Variants in SELENBP1 observed in about 807,000 individuals in gnomAD.
The protein encoded by SELENBP1 is selenium binding protein 1.
A neutral mutation model predicts 61.0 loss-of-function variants in SELENBP1; 71 were observed. That is an observed-to-expected ratio of 1.16 (90% CI 0.96 to 1.42). The LOEUF is 1.42. Among genes scored for constraint, SELENBP1 ranks in the 40% most tolerant of loss-of-function variants. The pLI, the probability that SELENBP1 is intolerant of heterozygous loss-of-function variation, is 0.00. For synonymous variants in SELENBP1, 270 were observed against 238.9 expected (o/e 1.13, Z -1.20); for missense variants, 561 against 605.0 (o/e 0.93, Z 0.76).
In SELENBP1 at chr1:151,367,141, A is replaced by G. The variant is rs554148430; in HGVS notation, c.482-237T>C. The stretch of plus-strand genomic sequence containing the variant: ...GCGGATCACTTGAGGTCAGGAGTTC[A>G]GGATCAGCCTGGCCAACATGGTGAA... On this transcript the variant is annotated intron_variant, in intron 5 of 11. Coordinates refer to ENST00000368868, the MANE Select transcript of SELENBP1 (RefSeq NM_003944.4). 5.9e-6 allele frequency: 6 copies of G among 1,023,056 alleles called. No individual in the cohort carries two copies. In the Admixed American group the frequency reaches 1.6e-4, roughly 28 times the overall value. The allele number at this position is 1,023,056 out of a possible 1,614,324, so 63.4% of individuals were successfully genotyped here.
At position 151,364,575 on chromosome 1, in the gene SELENBP1, C is replaced by A; in HGVS notation, c.1387G>T (p.Gly463Trp). The change falls in exon 12 of 12, where the codon GGG becomes TGG. Residue 463 changes from glycine (G) to tryptophan (W), a missense_variant. Gly to Trp is a radical substitution (Grantham distance 184). Coordinates refer to ENST00000368868, the MANE Select transcript of SELENBP1 (RefSeq NM_003944.4). ...CAGATGTCAGAGCTACAATCGCCCCCAGGGTAGCGGAGCTCATGGGCAAGG... is the reference window on the plus strand; with the variant it reads ...CAGATGTCAGAGCTACAATCGCCCCAAGGGTAGCGGAGCTCATGGGCAAGG... ...PALAHELRYP[G>W]GDCSSDIWI The A allele has an allele frequency of 1.2e-6, 2 of 1,614,152 alleles. No homozygotes were observed. The highest frequency in any genetic ancestry group is 3.3e-5 in the Admixed American group (2 of 60,006).
At position 151,364,635 on chromosome 1, in the gene SELENBP1, G is replaced by A; in HGVS notation, c.1327C>T (p.Leu443=). The A allele has an allele frequency of 2.5e-6, 4 of 1,613,466 alleles. No homozygotes were observed. In the South Asian group the frequency reaches 3.3e-5, roughly 13 times the overall value. Residue 443 remains leucine, a synonymous_variant, in exon 12 of 12, where the codon CTG becomes TTG. Transcript: ENST00000368868. ...AGGGGCTCCTTCCCGAAGTCCACCA[G>A]GAAGTTGGGGTTCAACTTCAGCCCT... ...KGGLKLNPNF[L]VDFGKEPLGP... is the part of the protein sequence containing the mutation.
intron 2 of SELENBP1, 47 bp from the exon 3 acceptor site, chr1:151,369,601 AG>A: frequency 6.4e-7 from 1 of 1,562,050 alleles, no homozygotes; most frequent in Non-Finnish European, 8.7e-7. Flanking sequence ...TGGGAAGGAA[AG>A]GTAGGGGAAG....
chr1:151,367,148 G>T, intron 5 of SELENBP1: 2 of 923,296 alleles, frequency 2.2e-6, no homozygotes, highest in Non-Finnish European at 2.9e-6. Flanking sequence ...TTCAGGATCA[G>T]CCTGGCCAAC....
At chr1:151,364,905 G>T in intron 11 of SELENBP1, 21 bp downstream of exon 11, 1 of 1,607,350 alleles carries the variant, frequency 6.2e-7, no homozygotes. Flanking sequence ...GGGGAGGAGA[G>T]CCCATGTGTC....
At chr1:151,372,400 G>A (rs1165075669) in intron 1 of SELENBP1, among the ~76,000 whole-genome samples, 6 of 152,184 alleles carry the variant, frequency 3.9e-5, no homozygotes, top group African/African-American at 1.4e-4. Context: ...GCCAAGTCAG[G>A]GCCCAGGATC....
Position 151,365,472 on chromosome 1 carries a change from C to T in SELENBP1, c.1044+91G>A, listed in dbSNP as rs1490898600. Reference sequence around the variant, plus strand: ...TCTGCTTTTCCTGCACCTCCCTCAACATCCTGCAGCTGCTTCAGATCATCC... The same window carrying T: ...TCTGCTTTTCCTGCACCTCCCTCAATATCCTGCAGCTGCTTCAGATCATCC... On this transcript the variant is annotated intron_variant, in intron 9 of 11. Transcript: ENST00000368868. 3.1e-6 allele frequency: 5 copies of T among 1,589,934 alleles called. No individual in the cohort carries two copies. In the South Asian group the frequency reaches 4.6e-5, roughly 14 times the overall value.
At position 151,365,183 on chromosome 1, in the gene SELENBP1, T is replaced by C; in HGVS notation, c.1137+6A>G. On this transcript the variant is annotated splice_donor_region_variant and intron_variant, in intron 10 of 11. Coordinates refer to ENST00000368868, the MANE Select transcript of SELENBP1 (RefSeq NM_003944.4). ...GGGTCCAGCAAGTAGGGGGAGAGGC[T>C]CTTACCTTGACCACTAGGGGCTCTG... 2 of 1,613,132 alleles carry C rather than the reference T, an allele frequency of 1.2e-6. No homozygotes were observed. Among genetic ancestry groups the C allele is most frequent in the Non-Finnish European group, 1.7e-6 (2 of 1,179,340 alleles).
chr1:151,370,252 C>T (rs1045029363), intron 1 of SELENBP1: 13 of 238,344 alleles, frequency 5.5e-5, no homozygotes, highest in Non-Finnish European at 7.9e-5. Context: ...TTTGTCTGGT[C>T]GAAGCCCAGG....
At chr1:151,371,082 C>T (rs1652115458) in intron 1 of SELENBP1, among the ~76,000 whole-genome samples, 1 of 152,130 alleles carries the variant, frequency 6.6e-6, no homozygotes, top group African/African-American at 2.4e-5. Flanking sequence ...ATTCCAAAGG[C>T]CTTTCATAAA....
chr1:151,365,887 G>A (rs1388618546), intron 7 of SELENBP1, 41 bp from the exon 8 acceptor site: 2 of 1,607,028 alleles, frequency 1.2e-6, no homozygotes, highest in East Asian at 2.2e-5. Flanking sequence ...TGGCAGAGAG[G>A]TCAGCCTATC....
rs1571284919 is a variant in SELENBP1 at position 151,369,109 on chromosome 1, A to G, written c.255T>C (p.Gly85=). ...SGWNTCSSCF[G]DSTKSRTKLV... is the part of the protein sequence containing the mutation. The stretch of plus-strand genomic sequence containing the variant: ...GCTTGGTGCGCGACTTGGTGCTATC[A>G]CCGAAGCAGCTGCTGCAGGTGTTCC... Residue 85 remains glycine, a synonymous_variant, in exon 4 of 12, where the codon GGT becomes GGC. Coordinates refer to ENST00000368868, the MANE Select transcript of SELENBP1 (RefSeq NM_003944.4). The G allele has an allele frequency of 5.6e-6, 9 of 1,614,002 alleles. No individual in the cohort carries two copies. Among genetic ancestry groups the G allele is most frequent in the Non-Finnish European group, 6.8e-6 (8 of 1,179,984 alleles).
Position 151,368,323 on chromosome 1 carries a change from G to A in SELENBP1, c.361-4C>T. 6.2e-7 allele frequency: 1 copy of A among 1,614,040 alleles called. No homozygotes were observed. The highest frequency in any genetic ancestry group is 8.5e-7 in the Non-Finnish European group (1 of 1,179,896). On this transcript the variant is annotated splice_polypyrimidine_tract_variant and splice_region_variant and intron_variant, in intron 4 of 11. Coordinates refer to ENST00000368868, the MANE Select transcript of SELENBP1 (RefSeq NM_003944.4). ...GGATGTCCTTGGGCTCAATGACCTG[G>A]AAGGGGTGGGGAATGGTGTCAGAAT...
chr1:151,365,759 G>C lies in SELENBP1; in HGVS notation c.922+9C>G, dbSNP rs1351166945. ...CAAGAATCAACTTTCCTATGCCCTA[G>C]GCACTCACCTGGCATTTCGGGCAGC... On this transcript the variant is annotated intron_variant, in intron 8 of 11. Coordinates refer to ENST00000368868, the MANE Select transcript of SELENBP1 (RefSeq NM_003944.4). 8.1e-6 allele frequency: 13 copies of C among 1,614,000 alleles called. No homozygotes were observed. The South Asian group carries it at 1.3e-4, about 16-fold the overall frequency.
At chr1:151,370,687 G>A (rs1278681082) in intron 1 of SELENBP1, among the ~76,000 whole-genome samples, 1 of 152,224 alleles carries the variant, frequency 6.6e-6, no homozygotes, top group African/African-American at 2.4e-5. Flanking sequence ...AGAGTTTGGG[G>A]CCTGCTGGGG....
At position 151,369,104 on chromosome 1, in the gene SELENBP1, C is replaced by T. The variant is rs1484702887; in HGVS notation, c.260G>A (p.Ser87Asn). ...WNTCSSCFGD[S>N]TKSRTKLVLP... ...CACCAGCTTGGTGCGCGACTTGGTGCTATCACCGAAGCAGCTGCTGCAGGT... is the reference window on the plus strand; with the variant it reads ...CACCAGCTTGGTGCGCGACTTGGTGTTATCACCGAAGCAGCTGCTGCAGGT... The change falls in exon 4 of 12, where the codon AGC becomes AAC. Residue 87 changes from serine (S) to asparagine (N), a missense_variant. Ser to Asn is a conservative substitution (Grantham distance 46). Transcript: ENST00000368868. 6.2e-7 allele frequency: 1 copy of T among 1,614,068 alleles called. No individual in the cohort carries two copies. The highest frequency in any genetic ancestry group is 8.5e-7 in the Non-Finnish European group (1 of 1,180,008).
rs1489477300 is a variant in SELENBP1, at chr1:151,364,577, G to T, written c.1385C>A (p.Pro462His). Residue 462 changes from proline (P) to histidine (H), a missense_variant, in exon 12 of 12, where the codon CCT becomes CAT. By Grantham distance (77) the Pro-to-His change is moderately conservative (BLOSUM62 -2). Coordinates refer to ENST00000368868, the MANE Select transcript of SELENBP1 (RefSeq NM_003944.4). ...GPALAHELRY[P>H]GGDCSSDIWI Reference sequence around the variant, plus strand: ...GATGTCAGAGCTACAATCGCCCCCAGGGTAGCGGAGCTCATGGGCAAGGGC... The same window carrying T: ...GATGTCAGAGCTACAATCGCCCCCATGGTAGCGGAGCTCATGGGCAAGGGC... 6.2e-7 allele frequency: 1 copy of T among 1,614,054 alleles called. No homozygotes were observed. The highest frequency in any genetic ancestry group is 1.3e-5 in the African/African-American group (1 of 74,926).
intron 1 of SELENBP1, among the ~76,000 whole-genome samples, chr1:151,371,098 A>G (rs1385132416): frequency 6.6e-6 from 1 of 152,192 alleles, no homozygotes; most frequent in African/African-American, 2.4e-5. Flanking sequence ...ATAAAAATGA[A>G]TTAGGCCGGG....
At chr1:151,368,940 C>T (rs188188128) in intron 4 of SELENBP1, 64 bp downstream of exon 4, 33 of 1,520,094 alleles carry the variant, frequency 2.2e-5, no homozygotes, top group South Asian at 4.9e-5. Context: ...GCTTCCTGCC[C>T]GTAGACTACC....
Sources: gnomAD v4.1 joint callset for allele counts (sites outside exome capture counted in the v4.1 genomes callset) on GRCh38, gnomAD v4.1.1 for gene constraint, MANE v1.5 for transcripts, NCBI Gene and HGNC (gene_info 2026-07-23, HGNC 2026-07-21) for gene names.